RORA: variants seen among roughly 807,000 people sequenced by gnomAD.
The protein encoded by RORA is nuclear receptor ROR-alpha.
A neutral mutation model predicts 69.5 loss-of-function variants in RORA; 7 were observed. The ratio of observed to expected loss-of-function variants is 0.10; its 90% confidence interval spans 0.06 to 0.19. RORA has a LOEUF of 0.19. RORA is among the 10% of genes least tolerant of loss of function. RORA has a pLI of 1.00. For missense variants in RORA, 457 were observed against 663.0 expected (o/e 0.69, Z 3.41); for synonymous variants, 261 against 240.8 (o/e 1.08, Z -0.78).
intron 1 of RORA, among the ~76,000 whole-genome samples, chr15:61,218,141 C>T (rs2080058145): frequency 6.6e-6 from 1 of 151,556 alleles, no homozygotes; most frequent in African/African-American, 2.4e-5. Context: ...AATCACGCAT[C>T]ACAAGTGAAG....
intron 1 of RORA, among the ~76,000 whole-genome samples, chr15:60,908,008 C>T (rs1891594164): frequency 1.3e-5 from 2 of 152,250 alleles, no homozygotes; most frequent in South Asian, 4.1e-4. Context: ...TGAGGCTGTG[C>T]ATGGGGTCAG....
At chr15:60,616,946 A>T (rs867003227) in intron 2 of RORA, among the ~76,000 whole-genome samples, 1 of 152,202 alleles carries the variant, frequency 6.6e-6, no homozygotes, top group East Asian at 1.9e-4. Context: ...CTTGATGTAC[A>T]TGCTTTTACT....
At chr15:60,820,757 C>A (rs754421329) in intron 1 of RORA, among the ~76,000 whole-genome samples, 5 of 152,184 alleles carry the variant, frequency 3.3e-5, no homozygotes, top group Non-Finnish European at 7.4e-5. Context: ...AATTTTCAAT[C>A]CGTCGGCTTA....
intron 2 of RORA, among the ~76,000 whole-genome samples, chr15:60,542,038 C>T (rs1324208025): frequency 6.6e-6 from 1 of 152,212 alleles, no homozygotes. Context: ...GTGTCTCTGT[C>T]ACTTAAGATA....
intron 1 of RORA, among the ~76,000 whole-genome samples, chr15:60,999,146 T>C (rs1024793518): frequency 3.3e-5 from 5 of 152,234 alleles, no homozygotes; most frequent in African/African-American, 1.2e-4. Flanking sequence ...GGAATTCTTT[T>C]TGAAATTAAA....
intron 1 of RORA, among the ~76,000 whole-genome samples, chr15:60,843,926 G>A (rs1400459280): frequency 6.6e-6 from 1 of 152,142 alleles, no homozygotes; most frequent in East Asian, 1.9e-4. Flanking sequence ...TCTTTCTACA[G>A]CCTCACCCTA....
At chr15:60,598,963 A>T (rs1035420677) in intron 2 of RORA, among the ~76,000 whole-genome samples, 66 of 152,236 alleles carry the variant, frequency 4.3e-4, no homozygotes, top group African/African-American at 1.6e-3. Context: ...TCGAGAGGAA[A>T]GGACAAAAAT....
At chr15:60,766,177 G>A (rs547317770) in intron 1 of RORA, among the ~76,000 whole-genome samples, 75 of 152,180 alleles carry the variant, frequency 4.9e-4, no homozygotes, top group African/African-American at 1.7e-3. Flanking sequence ...TCTGCTCTGT[G>A]AATGTAACTT....
intron 1 of RORA, among the ~76,000 whole-genome samples, chr15:61,228,733 G>A (rs2080171797): frequency 6.6e-6 from 1 of 151,964 alleles, no homozygotes; most frequent in Non-Finnish European, 1.5e-5. Context: ...TTGGGGGAGC[G>A]TATTTAATTG....
intron 2 of RORA, among the ~76,000 whole-genome samples, chr15:60,595,319 C>T (rs765184429): frequency 2.0e-4 from 31 of 152,130 alleles, no homozygotes; most frequent in Non-Finnish European, 4.1e-4. Context: ...TCAAGACCAA[C>T]CTGGGCAACA....
intron 1 of RORA, among the ~76,000 whole-genome samples, chr15:60,962,369 T>G (rs1893437564): frequency 6.6e-6 from 1 of 152,178 alleles, no homozygotes; most frequent in Admixed American, 6.5e-5. Flanking sequence ...GATGGAAATA[T>G]TTTTTCCGCT....
intron 1 of RORA, among the ~76,000 whole-genome samples, chr15:60,732,641 C>A (rs1325953689): frequency 6.9e-6 from 1 of 145,000 alleles, no homozygotes; most frequent in African/African-American, 2.8e-5. Context: ...CATTCTCATT[C>A]TCTCTCTCTC....
At chr15:61,080,504 A>G (rs1053358533) in intron 1 of RORA, among the ~76,000 whole-genome samples, 1 of 152,200 alleles carries the variant, frequency 6.6e-6, no homozygotes, top group African/African-American at 2.4e-5. Flanking sequence ...GCAAATAGAT[A>G]CCATTTCCAA....
intron 1 of RORA, among the ~76,000 whole-genome samples, chr15:61,028,880 T>C (rs1895977061): frequency 6.6e-6 from 1 of 152,152 alleles, no homozygotes; most frequent in African/African-American, 2.4e-5. Context: ...GCCACAGTAT[T>C]GTATGATTCT....
intron 2 of RORA, among the ~76,000 whole-genome samples, chr15:60,666,292 C>A (rs577680728): frequency 6.6e-6 from 1 of 151,542 alleles, no homozygotes; most frequent in African/African-American, 2.4e-5. Flanking sequence ...CTCAGTCTCC[C>A]AAGTAGCTGG....
At chr15:60,608,765 G>A (rs543428253) in intron 2 of RORA, among the ~76,000 whole-genome samples, 4 of 152,000 alleles carry the variant, frequency 2.6e-5, no homozygotes, top group South Asian at 2.1e-4. Context: ...TTCCTGCCAC[G>A]AGAGATAATT....
chr15:60,722,909 A>G (rs1022261849), intron 1 of RORA, among the ~76,000 whole-genome samples: 1 of 152,154 alleles, frequency 6.6e-6, no homozygotes, highest in Non-Finnish European at 1.5e-5. Context: ...GTCAGGGTGC[A>G]GTGAGTCAGG....
At chr15:61,076,922 T>C (rs969771710) in intron 1 of RORA, among the ~76,000 whole-genome samples, 4 of 148,778 alleles carry the variant, frequency 2.7e-5, no homozygotes, top group African/African-American at 9.9e-5. Flanking sequence ...CCCCTCTCCC[T>C]TGCTTGTTCA....
At chr15:60,739,686 A>C (rs1352442441) in intron 1 of RORA, among the ~76,000 whole-genome samples, 2 of 152,156 alleles carry the variant, frequency 1.3e-5, no homozygotes, top group African/African-American at 2.4e-5. Context: ...ACTTCATACA[A>C]GTGCCCTGCC....
Sources: gnomAD v4.1 joint callset for allele counts (sites outside exome capture counted in the v4.1 genomes callset) on GRCh38, gnomAD v4.1.1 for gene constraint, MANE v1.5 for transcripts, NCBI Gene and HGNC (gene_info 2026-07-23, HGNC 2026-07-21) for gene names.